NDRG3: variants seen among roughly 807,000 people sequenced by gnomAD.
The protein encoded by NDRG3 is NDRG family member 3.
NDRG3 carries 23 observed loss-of-function variants against 57.2 expected under a neutral mutation model. The observed-to-expected ratio is 0.40, with a 90% confidence interval of 0.29 to 0.57. NDRG3 has a LOEUF of 0.57. NDRG3 is among the 20% of genes least tolerant of loss of function. The pLI is 0.42. For missense variants in NDRG3, 384 were observed against 457.3 expected, an observed-to-expected ratio of 0.84 and a Z score of 1.46; for synonymous variants, 132 against 162.6, an observed-to-expected ratio of 0.81 and a Z score of 1.43.
intron 3 of NDRG3, among the ~76,000 whole-genome samples, chr20:36,698,039 C>T (rs1455902766): frequency 1.4e-5 from 2 of 147,418 alleles, no homozygotes; most frequent in Non-Finnish European, 3.0e-5. Context: ...GATCTCAGCT[C>T]ACTGCAACTT....
chr20:36,716,964 T>C lies in NDRG3; in HGVS notation c.57+4715A>G, dbSNP rs1272012100. ...AATCAGATAACCTCTCAGTGTCATC[T>C]GTAAAATAGAGTTAAAATATCTTCA... On this transcript the variant is annotated intron_variant, in intron 2 of 15. Coordinates refer to ENST00000349004, the MANE Select transcript of NDRG3 (RefSeq NM_032013.4). Among the ~76,000 whole-genome samples the C allele has an allele frequency of 2.0e-5, 3 of 152,340 alleles. No homozygotes were observed. The East Asian group carries it at 5.8e-4, about 29-fold the overall frequency.
chr20:36,678,238 G>C (rs1040985543), intron 8 of NDRG3, among the ~76,000 whole-genome samples: 3 of 152,176 alleles, frequency 2.0e-5, no homozygotes, highest in African/African-American at 7.2e-5. Flanking sequence ...GAAGCTATTT[G>C]AGATACATGT....
intron 6 of NDRG3, among the ~76,000 whole-genome samples, chr20:36,683,231 G>A (rs951917035): frequency 6.6e-5 from 10 of 151,910 alleles, no homozygotes; most frequent in African/African-American, 2.4e-4. Flanking sequence ...GTGACAGAGT[G>A]AGACTCTGTC....
chr20:36,731,837 A>G (rs1358334952), intron 1 of NDRG3, among the ~76,000 whole-genome samples: 1 of 151,388 alleles, frequency 6.6e-6, no homozygotes, highest in Admixed American at 6.6e-5. Flanking sequence ...GAAAAGAAAT[A>G]TAGAAGTTAG....
At chr20:36,693,914 A>T (rs1982554765) in intron 3 of NDRG3, among the ~76,000 whole-genome samples, 1 of 151,982 alleles carries the variant, frequency 6.6e-6, no homozygotes. Flanking sequence ...ATCATCCCAA[A>T]ACCATCCCAA....
In NDRG3 at chr20:36,715,000, GTGTGTGTATATATATATATATATATATA is replaced by G. The variant is rs1415171071; in HGVS notation, c.57+6651_57+6678del. ...CCTATATCTGTGTGTGTGTGTGTGTGTGTGTGTATATATATATATATATATATATATATATATATATATATATATATAT... is the reference window on the plus strand; with the variant it reads ...CCTATATCTGTGTGTGTGTGTGTGTGTATATATATATATATATATATATAT... On this transcript the variant is annotated intron_variant, in intron 2 of 15. Coordinates refer to ENST00000349004, the MANE Select transcript of NDRG3 (RefSeq NM_032013.4). 1.5e-3 allele frequency among the ~76,000 whole-genome samples: 83 copies of G among 56,572 alleles called. 5 individuals carry two copies. Among genetic ancestry groups the G allele is most frequent in the East Asian group, 9.0e-3 (16 of 1,770 alleles). The allele number at this position is 56,572 out of a possible 152,430, so 37.1% of individuals were successfully genotyped here.
intron 1 of NDRG3, among the ~76,000 whole-genome samples, chr20:36,726,513 T>C (rs1984943712): frequency 6.6e-6 from 1 of 152,180 alleles, no homozygotes; most frequent in South Asian, 2.1e-4. Context: ...TTATAACATA[T>C]ACAAGAAAAC....
In NDRG3 at chr20:36,663,105, G is replaced by A. The variant is rs543163054; in HGVS notation, c.810+1941C>T. Among the ~76,000 whole-genome samples the A allele has an allele frequency of 2.6e-5, 4 of 152,300 alleles. No individual in the cohort carries two copies. The South Asian group carries it at 8.3e-4, about 32-fold the overall frequency. On this transcript the variant is annotated intron_variant, in intron 12 of 15. Coordinates refer to ENST00000349004, the MANE Select transcript of NDRG3 (RefSeq NM_032013.4). ...GCCAGAAAACACTGACCTTTATAAAGTTGCTTCTTGATAAATTGGGGTCAC... is the reference window on the plus strand; with the variant it reads ...GCCAGAAAACACTGACCTTTATAAAATTGCTTCTTGATAAATTGGGGTCAC...
In NDRG3 at chr20:36,653,752, G is replaced by C; in HGVS notation, c.947-51C>G. Reference sequence around the variant, plus strand: ...GAAGATGAAGCCCCGGTTAAGCCCAGCTAACCTAGGAGTCTCATCAAAGTC... The same window carrying C: ...GAAGATGAAGCCCCGGTTAAGCCCACCTAACCTAGGAGTCTCATCAAAGTC... On this transcript the variant is annotated intron_variant, in intron 15 of 15. Transcript: ENST00000349004. The surrounding 1 kb of genome is among the most constrained non-coding windows in gnomAD (Gnocchi z 4.2). 6.5e-7 allele frequency: 1 copy of C among 1,542,086 alleles called. No individual in the cohort carries two copies. Among genetic ancestry groups the C allele is most frequent in the Non-Finnish European group, 8.9e-7 (1 of 1,129,804 alleles).
At chr20:36,728,036 A>G (rs1985050490) in intron 1 of NDRG3, among the ~76,000 whole-genome samples, 1 of 151,796 alleles carries the variant, frequency 6.6e-6, no homozygotes, top group Non-Finnish European at 1.5e-5. Context: ...CTGCCTCTAA[A>G]TAAGTGAATA....
chr20:36,683,250 A>T (rs950183237), intron 6 of NDRG3, among the ~76,000 whole-genome samples: 6 of 152,042 alleles, frequency 3.9e-5, no homozygotes, highest in Non-Finnish European at 7.4e-5. Context: ...TCTCAAAAAA[A>T]ACAAAAAACA....
chr20:36,732,047 G>GGAGGCT (rs1180628540), intron 1 of NDRG3, among the ~76,000 whole-genome samples: 1 of 152,108 alleles, frequency 6.6e-6, no homozygotes, highest in Non-Finnish European at 1.5e-5. Flanking sequence ...CCTAAACCCA[G>GGAGGCT]GAGGCTGAGG....
In NDRG3 at chr20:36,726,278, A is replaced by C. The variant is rs1984929447; in HGVS notation, c.-48-4495T>G. ...GCAATTTTTACACCAACAAACACTT[A>C]AACAAAGACACAAATTAAATGAGAA... is the stretch of plus-strand genomic sequence containing the variant. On this transcript the variant is annotated intron_variant, in intron 1 of 15. Transcript: ENST00000349004. 1.3e-5 allele frequency among the ~76,000 whole-genome samples: 2 copies of C among 152,186 alleles called. 1 individual carries two copies. Among genetic ancestry groups the C allele is most frequent in the South Asian group, 4.1e-4 (2 of 4,832 alleles).
chr20:36,673,946 T>C (rs1043754015), intron 8 of NDRG3, among the ~76,000 whole-genome samples: 2 of 151,804 alleles, frequency 1.3e-5, no homozygotes, highest in African/African-American at 4.8e-5. Flanking sequence ...CTACTAAAAA[T>C]ACAAAAATTA....
intron 8 of NDRG3, among the ~76,000 whole-genome samples, chr20:36,676,861 T>A (rs1980767208): frequency 6.6e-6 from 1 of 152,262 alleles, no homozygotes; most frequent in Non-Finnish European, 1.5e-5. Flanking sequence ...GCCATGGAGC[T>A]GGCGGAAGCC....
chr20:36,685,131 G>GT (rs1981670330), intron 5 of NDRG3, among the ~76,000 whole-genome samples: 1 of 152,056 alleles, frequency 6.6e-6, no homozygotes, highest in Non-Finnish European at 1.5e-5. Flanking sequence ...ACCTCCGGCA[G>GT]TAAGAGTCAA....
intron 3 of NDRG3, among the ~76,000 whole-genome samples, chr20:36,691,039 G>C (rs1158275014): frequency 6.6e-6 from 1 of 152,208 alleles, no homozygotes; most frequent in Non-Finnish European, 1.5e-5. Flanking sequence ...CTATCCTAGC[G>C]AATTTCTGTT....
At chr20:36,734,117 T>A (rs1985485689) in intron 1 of NDRG3, among the ~76,000 whole-genome samples, 1 of 151,816 alleles carries the variant, frequency 6.6e-6, no homozygotes. Flanking sequence ...CCCAGCACTT[T>A]GGGAGGCCAA....
chr20:36,713,446 G>T (rs1203935474), intron 2 of NDRG3, among the ~76,000 whole-genome samples: 3 of 152,074 alleles, frequency 2.0e-5, no homozygotes, highest in East Asian at 3.8e-4. Flanking sequence ...AAAAAAGGGG[G>T]GTGTGAAAAG....
Sources: gnomAD v4.1 joint callset for allele counts (sites outside exome capture counted in the v4.1 genomes callset) on GRCh38, gnomAD v4.1.1 for gene constraint, Gnocchi (gnomAD v3.1) non-coding constraint, MANE v1.5 for transcripts, NCBI Gene and HGNC (gene_info 2026-07-23, HGNC 2026-07-21) for gene names.